The following CCNJL variants were observed in gnomAD, a reference collection of about 807,000 sequenced individuals.
The protein encoded by CCNJL is cyclin-J-like protein.
A neutral mutation model predicts 33.4 loss-of-function variants in CCNJL; 33 were observed. The ratio of observed to expected loss-of-function variants is 0.99; its 90% CI spans 0.75 to 1.32. The LOEUF is 1.32. CCNJL is among the 40% of genes most tolerant of loss of function. CCNJL has a pLI of 0.00. For missense variants in CCNJL, 512 were observed against 499.7 expected (o/e 1.02, Z -0.23); for synonymous variants, 227 against 220.9 (o/e 1.03, Z -0.24).
At chr5:160,302,266 T>C (rs1025028976) in intron 2 of CCNJL, among the ~76,000 whole-genome samples, 10 of 152,096 alleles carry the variant, frequency 6.6e-5, no homozygotes, top group Non-Finnish European at 8.8e-5. Context: ...GAAAATGACA[T>C]AGAAGGTTAT....
intron 2 of CCNJL, among the ~76,000 whole-genome samples, chr5:160,310,685 T>C (rs1253407197): frequency 6.6e-6 from 1 of 152,202 alleles, no homozygotes; most frequent in Non-Finnish European, 1.5e-5. Flanking sequence ...GTAATTAAAT[T>C]ATGATGACAT....
At chr5:160,297,613 G>T (rs1460366480) in intron 2 of CCNJL, among the ~76,000 whole-genome samples, 2 of 142,414 alleles carry the variant, frequency 1.4e-5, no homozygotes, top group Non-Finnish European at 3.0e-5. Context: ...CTAAGAGTTT[G>T]AGACCAACCT....
chr5:160,327,260 T>C (rs564454550), intron 1 of CCNJL, among the ~76,000 whole-genome samples: 1 of 152,328 alleles, frequency 6.6e-6, no homozygotes, highest in South Asian at 2.1e-4. Flanking sequence ...CTTGGATTGA[T>C]GAAAGGAGTC....
chr5:160,272,291 G>A (rs776481334), intron 3 of CCNJL, among the ~76,000 whole-genome samples: 9 of 152,214 alleles, frequency 5.9e-5, no homozygotes, highest in African/African-American at 1.9e-4. Flanking sequence ...GTGAGTGGGG[G>A]ATGGAGGATG....
chr5:160,329,053 A>G lies in CCNJL; in HGVS notation n.206+10392T>C, dbSNP rs191780359. 7.6e-4 allele frequency among the ~76,000 whole-genome samples: 115 copies of G among 152,276 alleles called. 2 individuals carry two copies. Among genetic ancestry groups the G allele is most frequent in the Admixed American group, 3.4e-3 (52 of 15,290 alleles). ...AGGCTCCCCTGCCTCACTGGAACCC[A>G]TGCCTTGGCTGAGGAATCCGACATG... On this transcript the variant is annotated intron_variant and non_coding_transcript_variant, in intron 1 of 7. Transcript: ENST00000377503.
Position 160,338,540 on chromosome 5 carries a change from AC to A in CCNJL, n.206+904del, listed in dbSNP as rs1282601351. On this transcript the variant is annotated intron_variant and non_coding_transcript_variant, in intron 1 of 7. Transcript: ENST00000377503. ...TTTCCTCCAAATTCCTTTTTAGAGA[AC>A]TTTTATTCACAGAATTAAGAAAGAG... Among the ~76,000 whole-genome samples, 4 of 152,168 alleles carry A rather than the reference AC, an allele frequency of 2.6e-5. No homozygotes were observed. In the East Asian group the frequency reaches 7.7e-4, roughly 29 times the overall value.
At chr5:160,305,069 C>T (rs1216834269) in intron 2 of CCNJL, among the ~76,000 whole-genome samples, 1 of 152,092 alleles carries the variant, frequency 6.6e-6, no homozygotes, top group African/African-American at 2.4e-5. Context: ...TCATCTCGGC[C>T]TCCCAAAGTG....
At chr5:160,289,134 G>C (rs1443063684) in intron 2 of CCNJL, among the ~76,000 whole-genome samples, 2 of 152,122 alleles carry the variant, frequency 1.3e-5, no homozygotes, top group African/African-American at 4.8e-5. Flanking sequence ...TTCCTCAGAG[G>C]CCATCCCTGA....
At chr5:160,284,959 T>C (rs765960733) in intron 2 of CCNJL, among the ~76,000 whole-genome samples, 5 of 151,986 alleles carry the variant, frequency 3.3e-5, no homozygotes, top group Non-Finnish European at 5.9e-5. Context: ...GCACGGTGGC[T>C]CACACCCGTA....
intron 3 of CCNJL, among the ~76,000 whole-genome samples, chr5:160,279,537 G>C (rs1762135753): frequency 6.6e-6 from 1 of 152,190 alleles, no homozygotes; most frequent in Non-Finnish European, 1.5e-5. Context: ...GGTGGTGGTT[G>C]TTCATTCAAA....
intron 2 of CCNJL, among the ~76,000 whole-genome samples, chr5:160,295,118 G>A (rs559428134): frequency 2.1e-4 from 32 of 152,364 alleles, no homozygotes; most frequent in Middle Eastern, 3.4e-3. Flanking sequence ...ATTTAAAAAG[G>A]GGGTTCCCCC....
At chr5:160,320,218 A>G (rs934539956) in intron 1 of CCNJL, among the ~76,000 whole-genome samples, 1 of 152,214 alleles carries the variant, frequency 6.6e-6, no homozygotes, top group Admixed American at 6.5e-5. Context: ...GTCATCCATA[A>G]TAATAACAGA....
intron 1 of CCNJL, among the ~76,000 whole-genome samples, chr5:160,322,243 A>T (rs1452911443): frequency 6.6e-6 from 1 of 152,210 alleles, no homozygotes; most frequent in East Asian, 1.9e-4. Flanking sequence ...CTCTAAGGAC[A>T]TTTTTGATGT....
intron 4 of CCNJL, 55 bp downstream of exon 4, chr5:160,259,414 C>T: frequency 6.5e-7 from 1 of 1,546,660 alleles, no homozygotes; most frequent in Non-Finnish European, 8.8e-7. Flanking sequence ...CTGACCCCGA[C>T]CCCTGGGTGG....
At position 160,251,484 on chromosome 5, in the gene CCNJL, C is replaced by G. The variant is rs528818637; in HGVS notation, c.*1894G>C. On this transcript the variant is annotated 3_prime_UTR_variant, in exon 6 of 6. Transcript: ENST00000257536. Reference sequence around the variant, plus strand: ...GCCTTATACACCCCTCCGCTGGCCTCTGTGTGCCCAGGGAGGCCCAGCTCC... The same window carrying G: ...GCCTTATACACCCCTCCGCTGGCCTGTGTGTGCCCAGGGAGGCCCAGCTCC... 47 of 152,364 alleles carry G rather than the reference C, an allele frequency of 3.1e-4. 1 individual carries two copies. The highest frequency in any genetic ancestry group is 2.5e-3 in the Admixed American group (39 of 15,310). The allele number at this position is 152,364 out of a possible 1,614,324, so 9.4% of individuals were successfully genotyped here.
upstream of CCNJL, among the ~76,000 whole-genome samples, chr5:160,316,914 A>C (rs1355269698): frequency 6.6e-6 from 1 of 152,212 alleles, no homozygotes; most frequent in Non-Finnish European, 1.5e-5. Flanking sequence ...ACCATACTGC[A>C]GTGAATATCC....
chr5:160,292,057 G>A (rs546689884), intron 2 of CCNJL, among the ~76,000 whole-genome samples: 3 of 152,010 alleles, frequency 2.0e-5, no homozygotes, highest in South Asian at 4.2e-4. Flanking sequence ...GTAAGACCCC[G>A]TCTCTTTAAA....
rs571076402 is a variant in CCNJL, at chr5:160,307,190, AGGTGAGGTGG to A, written c.66+4658_66+4667del. On this transcript the variant is annotated intron_variant, in intron 2 of 5. Coordinates refer to ENST00000257536, the MANE Select transcript of CCNJL (RefSeq NM_001308173.3). ...CACTCCCAATGCCTGTGCCTGCATC[AGGTGAGGTGG>A]GGGACACCCTGAGGTCCCTCTCTGA... Among the ~76,000 whole-genome samples the A allele has an allele frequency of 2.3e-4, 35 of 152,340 alleles. No individual in the cohort carries two copies. In the East Asian group the frequency reaches 6.6e-3, roughly 29 times the overall value.
Position 160,280,715 on chromosome 5 carries a change from T to C in CCNJL, c.90A>G (p.Arg30=). Residue 30 remains arginine, a synonymous_variant, in exon 3 of 6, where the codon CGA becomes CGG. Coordinates refer to ENST00000257536, the MANE Select transcript of CCNJL (RefSeq NM_001308173.3). ...GGCTCTTCAGGAGTGGGGAGTGGGC[T>C]CGGAAGGTGGGCAGCTTCAGTTCCT... The part of the protein sequence containing the change: ...REKELKLPTF[R]AHSPLLKSRR... The C allele has an allele frequency of 1.9e-6, 3 of 1,608,954 alleles. No homozygotes were observed. The highest frequency in any genetic ancestry group is 2.5e-6 in the Non-Finnish European group (3 of 1,177,820).
Sources: allele counts gnomAD v4.1 joint callset (sites outside exome capture counted in the v4.1 genomes callset), GRCh38; gene constraint gnomAD v4.1.1; transcripts MANE v1.5; gene names NCBI Gene and HGNC (gene_info 2026-07-23, HGNC 2026-07-21).